TRIM67: variants seen among roughly 807,000 people sequenced by gnomAD.
TRIM67 encodes the protein tripartite motif containing 67.
Under a neutral mutation model 71.0 loss-of-function variants are expected in TRIM67, and 39 were observed. The observed-to-expected ratio is 0.55, with a 90% confidence interval of 0.43 to 0.72. The LOEUF is 0.72. Among genes scored for constraint, TRIM67 ranks in the 30% least tolerant of loss-of-function variants. The probability of loss-of-function intolerance (pLI) is 0.00; values close to 1 mark genes in which losing one functional copy is unlikely to be tolerated. For missense variants in TRIM67, 973 were observed against 1,079.2 expected (o/e 0.90, Z 1.38); for synonymous variants, 481 against 473.9 (o/e 1.01, Z -0.19).
At chr1:231,169,654 C>T (rs1221371962) in intron 1 of TRIM67, among the ~76,000 whole-genome samples, 1 of 152,160 alleles carries the variant, frequency 6.6e-6, no homozygotes, top group African/African-American at 2.4e-5. Flanking sequence ...GCTGGGATTA[C>T]AGGCATGTGA....
chr1:231,166,189 A>G (rs1014413186), intron 1 of TRIM67, among the ~76,000 whole-genome samples: 6 of 151,946 alleles, frequency 3.9e-5, no homozygotes, highest in African/African-American at 7.2e-5. Context: ...CAGGATCTCA[A>G]TTTTGTGACA....
Position 231,162,694 on chromosome 1 carries a change from C to A in TRIM67, c.-276C>A. ...CGCAGGCCACCGCGAGGGCAGCCGACCGGCTCCGGAATCTGGCCGCAGGTT... is the reference window on the plus strand; with the variant it reads ...CGCAGGCCACCGCGAGGGCAGCCGAACGGCTCCGGAATCTGGCCGCAGGTT... On this transcript the variant is annotated 5_prime_UTR_variant, in exon 1 of 10. Coordinates refer to ENST00000366653, the MANE Select transcript of TRIM67 (RefSeq NM_001004342.5). 1 of 449,278 alleles carries A rather than the reference C, an allele frequency of 2.2e-6. No individual in the cohort carries two copies. The highest frequency in any genetic ancestry group is 3.9e-6 in the Non-Finnish European group (1 of 253,952). The allele number at this position is 449,278 out of a possible 1,614,324, so 27.8% of individuals were successfully genotyped here. A position where few individuals can be genotyped will look rare whatever the true frequency, so the allele number is the denominator to read the frequency against.
At chr1:231,214,338 GTC>G (rs986767371) in intron 9 of TRIM67, among the ~76,000 whole-genome samples, 10 of 152,104 alleles carry the variant, frequency 6.6e-5, no homozygotes, top group Admixed American at 2.0e-4. Flanking sequence ...TCTTAGTAGA[GTC>G]CTCCTCCCCT....
rs1211499388 is a variant in TRIM67 at position 231,219,639 on chromosome 1, C to T, written c.*4199C>T. On this transcript the variant is annotated 3_prime_UTR_variant, in exon 10 of 10. Coordinates refer to ENST00000366653, the MANE Select transcript of TRIM67 (RefSeq NM_001004342.5). ...AGCAAAACTCGTTACCTTTGTTTTCCTTGGCCACATTTTACTGGAAGCAAC... is the reference window on the plus strand; with the variant it reads ...AGCAAAACTCGTTACCTTTGTTTTCTTTGGCCACATTTTACTGGAAGCAAC... 8.7e-7 allele frequency: 1 copy of T among 1,147,534 alleles called. No homozygotes were observed. Among genetic ancestry groups the T allele is most frequent in the Non-Finnish European group, 1.1e-6 (1 of 922,534 alleles). The allele number at this position is 1,147,534 out of a possible 1,614,324, so 71.1% of individuals were successfully genotyped here.
chr1:231,183,134 CTCA>C (rs751430852), intron 1 of TRIM67, among the ~76,000 whole-genome samples: 1 of 152,166 alleles, frequency 6.6e-6, no homozygotes, highest in South Asian at 2.1e-4. Context: ...GAAGAGACCT[CTCA>C]TCATCACCAT....
chr1:231,166,810 G>A lies in TRIM67; in HGVS notation c.1044+2797G>A, dbSNP rs146667516. 2.1e-4 allele frequency among the ~76,000 whole-genome samples: 32 copies of A among 152,306 alleles called. 1 individual carries two copies. The East Asian group carries it at 6.2e-3, about 29-fold the overall frequency. On this transcript the variant is annotated intron_variant, in intron 1 of 9. Transcript: ENST00000366653. Reference sequence around the variant, plus strand: ...GCAGTGTAAAAAACTTTAGGTCTTGGCTAAACACATTTCTGTATGAATTTC... The same window carrying A: ...GCAGTGTAAAAAACTTTAGGTCTTGACTAAACACATTTCTGTATGAATTTC...
chr1:231,218,520 C>T lies in TRIM67; in HGVS notation c.*3080C>T. On this transcript the variant is annotated 3_prime_UTR_variant, in exon 10 of 10. Transcript: ENST00000366653. ...CTCTTCCGAAAATATCCACTAGCAC[C>T]TCACTGCATACATAGCATCCCAGCT... 1.0e-6 allele frequency: 1 copy of T among 985,442 alleles called. No homozygotes were observed. Among genetic ancestry groups the T allele is most frequent in the Non-Finnish European group, 1.2e-6 (1 of 829,940 alleles). The allele number at this position is 985,442 out of a possible 1,614,324, so 61.0% of individuals were successfully genotyped here. A position where few individuals can be genotyped will look rare whatever the true frequency, so the allele number is the denominator to read the frequency against.
In TRIM67 at chr1:231,215,931, G is replaced by A; in HGVS notation, c.*491G>A. The A allele has an allele frequency of 3.0e-6, 3 of 988,478 alleles. No homozygotes were observed. Among genetic ancestry groups the A allele is most frequent in the Non-Finnish European group, 3.6e-6 (3 of 832,112 alleles). 61.2% of individuals were successfully genotyped at this position (988,478 alleles called of 1,614,324 possible). On this transcript the variant is annotated 3_prime_UTR_variant, in exon 10 of 10. Transcript: ENST00000366653. ...AGATTGCAGATTCTCATCATGCTGA[G>A]AAAGTTATCTTTTAGCTTCTTGGTC...
rs773687809 is a variant in TRIM67, at chr1:231,163,501, C to A, written c.532C>A (p.Arg178Ser). The A allele has an allele frequency of 3.9e-6, 6 of 1,519,430 alleles. No homozygotes were observed. The South Asian group carries it at 4.9e-5, about 12-fold the overall frequency. 94.1% of individuals were successfully genotyped at this position (1,519,430 alleles called of 1,614,324 possible). ...LDHRGLRGFQRNRLLEAIVQR... is the reference protein window; with the variant it reads ...LDHRGLRGFQSNRLLEAIVQR... ...CCACCGCGGCCTGCGCGGCTTCCAG[C>A]GCAACCGGCTGCTCGAGGCCATCGT... Residue 178 changes from arginine to serine, a missense_variant, in exon 1 of 10, where the codon CGC becomes AGC. By Grantham distance (110) the Arg-to-Ser change is moderately radical. This residue lies in a region of TRIM67 where 795 missense variants were observed against 831.3 expected (regional missense o/e 0.96). Coordinates refer to ENST00000366653, the MANE Select transcript of TRIM67 (RefSeq NM_001004342.5).
chr1:231,211,844 C>CAGG (rs906871013), intron 8 of TRIM67, among the ~76,000 whole-genome samples: 1 of 152,302 alleles, frequency 6.6e-6, no homozygotes, highest in African/African-American at 2.4e-5. Context: ...GAGGCTGAGG[C>CAGG]AGGAGGATCC....
At position 231,217,443 on chromosome 1, in the gene TRIM67, C is replaced by G. The variant is rs984849417; in HGVS notation, c.*2003C>G. 2.0e-6 allele frequency: 2 copies of G among 991,624 alleles called. No individual in the cohort carries two copies. Among genetic ancestry groups the G allele is most frequent in the African/African-American group, 3.5e-5 (2 of 57,418 alleles). 61.4% of individuals were successfully genotyped at this position (991,624 alleles called of 1,614,324 possible). A position where few individuals can be genotyped will look rare whatever the true frequency, so the allele number is the denominator to read the frequency against. On this transcript the variant is annotated 3_prime_UTR_variant, in exon 10 of 10. Transcript: ENST00000366653. ...GCACCTCTGCCTCTGTCTCCCATAT[C>G]CCTGCAGCTTCATCCTTAGCCATAG...
In TRIM67 at chr1:231,175,926, C is replaced by CA. The variant is rs1445547459; in HGVS notation, c.1044+11914dup. On this transcript the variant is annotated intron_variant, in intron 1 of 9. Coordinates refer to ENST00000366653, the MANE Select transcript of TRIM67 (RefSeq NM_001004342.5). The stretch of plus-strand genomic sequence containing the variant: ...TCTTTCAATTGGGGGCCACAGGTCT[C>CA]AGGGCATCTGGGCAAAGCAAGGAGG... Among the ~76,000 whole-genome samples, 10 of 152,300 alleles carry CA rather than the reference C, an allele frequency of 6.6e-5. No individual in the cohort carries two copies. The East Asian group carries it at 1.9e-3, about 29-fold the overall frequency.
rs1683994475 is a variant in TRIM67, at chr1:231,215,576, T to C, written c.*136T>C. On this transcript the variant is annotated 3_prime_UTR_variant, in exon 10 of 10. Coordinates refer to ENST00000366653, the MANE Select transcript of TRIM67 (RefSeq NM_001004342.5). ...TGCAACCTGGCAGCGTGGAGTGTCATAGAAACACATTTTCTTGGGGACGCA... is the reference window on the plus strand; with the variant it reads ...TGCAACCTGGCAGCGTGGAGTGTCACAGAAACACATTTTCTTGGGGACGCA... 7.1e-7 allele frequency: 1 copy of C among 1,418,264 alleles called. No individual in the cohort carries two copies. Among genetic ancestry groups the C allele is most frequent in the East Asian group, 2.6e-5 (1 of 38,386 alleles). The allele number at this position is 1,418,264 out of a possible 1,614,324, so 87.9% of individuals were successfully genotyped here.
chr1:231,177,646 A>ACT (rs1304619592), intron 1 of TRIM67, among the ~76,000 whole-genome samples: 3 of 152,064 alleles, frequency 2.0e-5, no homozygotes, highest in African/African-American at 7.2e-5. Flanking sequence ...TTTACTAATA[A>ACT]CTCCAGACAG....
At chr1:231,167,319 C>CCTTTTTTTTTTTTTTTTTT (rs1682496873) in intron 1 of TRIM67, among the ~76,000 whole-genome samples, 1 of 51,832 alleles carries the variant, frequency 1.9e-5, no homozygotes, top group Non-Finnish European at 3.7e-5. Context: ...ACTCTAATGT[C>CCTTTTTTTTTTTTTTTTTT]TTTTTTTTTT....
rs112451283 is a variant in TRIM67, at chr1:231,215,712, T to G, written c.*272T>G. On this transcript the variant is annotated 3_prime_UTR_variant, in exon 10 of 10. Transcript: ENST00000366653. ...TTACGAACACTCCCCAAGAAGGACC[T>G]TTCTCAAGGGAGTCAGCATTCGGGC... 47 of 1,223,248 alleles carry G rather than the reference T, an allele frequency of 3.8e-5. No individual in the cohort carries two copies. In the African/African-American group the frequency reaches 4.0e-4, roughly 10 times the overall value. 75.8% of individuals were successfully genotyped at this position (1,223,248 alleles called of 1,614,324 possible). A position where few individuals can be genotyped will look rare whatever the true frequency, so the allele number is the denominator to read the frequency against.
Position 231,197,414 on chromosome 1 carries a change from A to G in TRIM67, c.1088A>G (p.Lys363Arg). Residue 363 changes from lysine (K) to arginine (R), a missense_variant, in exon 2 of 10, where the codon AAG becomes AGG. Coordinates refer to ENST00000366653, the MANE Select transcript of TRIM67 (RefSeq NM_001004342.5). ...TTAAATGGAGTTTCAGATAAGGCAA[A>G]GGAAGCAAAGGAGTTTCTGGTTCAG... ...QALNGVSDKA[K>R]EAKEFLVQLK... 1.2e-6 allele frequency: 2 copies of G among 1,614,046 alleles called. No individual in the cohort carries two copies. Among genetic ancestry groups the G allele is most frequent in the African/African-American group, 1.3e-5 (1 of 75,068 alleles).
chr1:231,211,463 G>A (rs1683868116), intron 8 of TRIM67, among the ~76,000 whole-genome samples: 1 of 152,144 alleles, frequency 6.6e-6, no homozygotes, highest in African/African-American at 2.4e-5. Context: ...TGCTTAGGTT[G>A]GACTCATTCC....
At chr1:231,193,275 A>T (rs1683280914) in intron 1 of TRIM67, among the ~76,000 whole-genome samples, 1 of 152,174 alleles carries the variant, frequency 6.6e-6, no homozygotes, top group African/African-American at 2.4e-5. Flanking sequence ...AAATGTAGAG[A>T]CAAAAGACAA....
Sources: gnomAD v4.1 joint callset for allele counts (sites outside exome capture counted in the v4.1 genomes callset) on GRCh38, gnomAD v4.1.1 for gene constraint, gnomAD v4.1.1 regional missense constraint, MANE v1.5 for transcripts, NCBI Gene and HGNC (gene_info 2026-07-23, HGNC 2026-07-21) for gene names.